Variants in ZSWIM6 observed in about 807,000 individuals in gnomAD.
ZSWIM6 encodes zinc finger SWIM domain-containing protein 6.
In ZSWIM6, 9 loss-of-function variants were observed where a neutral mutation model predicts 113.2. That is an observed-to-expected ratio of 0.08 (90% CI 0.05 to 0.14). The LOEUF is 0.14. Ranked by LOEUF, ZSWIM6 falls within the 10% of genes least tolerant of loss-of-function variation. The pLI is 1.00. For synonymous variants in ZSWIM6, 611 were observed against 606.5 expected (o/e 1.01, Z -0.11); for missense variants, 1,162 against 1,552.2 (o/e 0.75, Z 4.22).
At chr5:61,398,782 G>T (rs1745887908) in intron 1 of ZSWIM6, among the ~76,000 whole-genome samples, 1 of 152,116 alleles carries the variant, frequency 6.6e-6, no homozygotes, top group African/African-American at 2.4e-5. Flanking sequence ...ATTTCTCTGA[G>T]TTATGAAGCA....
intron 1 of ZSWIM6, among the ~76,000 whole-genome samples, chr5:61,389,526 G>C (rs1745657659): frequency 8.0e-6 from 1 of 124,614 alleles, no homozygotes; most frequent in Admixed American, 9.8e-5. Flanking sequence ...CTGCACATGA[G>C]CCCAGGCGAC....
chr5:61,526,114 T>C lies in ZSWIM6; in HGVS notation c.1691-136T>C. 3 of 1,418,506 alleles carry C rather than the reference T, an allele frequency of 2.1e-6. No homozygotes were observed. In the South Asian group the frequency reaches 4.4e-5, roughly 21 times the overall value. 87.9% of individuals were successfully genotyped at this position (1,418,506 alleles called of 1,614,324 possible). On this transcript the variant is annotated intron_variant, in intron 6 of 13. Transcript: ENST00000252744. ...TGCTTGGCAATAGGAGCTGAGATTT[T>C]CATTCAAATCCAAGTTCAGGAATGG...
chr5:61,364,136 C>G (rs1579954589), intron 1 of ZSWIM6, among the ~76,000 whole-genome samples: 2 of 151,996 alleles, frequency 1.3e-5, no homozygotes, highest in African/African-American at 4.8e-5. Context: ...TACCAACCTC[C>G]TGGGCTCAAG....
At chr5:61,494,934 A>G (rs1453007967) in intron 4 of ZSWIM6, among the ~76,000 whole-genome samples, 2 of 152,190 alleles carry the variant, frequency 1.3e-5, no homozygotes, top group African/African-American at 4.8e-5. Flanking sequence ...TAAAGATACA[A>G]ATATAGCAAG....
chr5:61,495,249 C>A (rs1382960833), intron 4 of ZSWIM6, among the ~76,000 whole-genome samples: 1 of 152,016 alleles, frequency 6.6e-6, no homozygotes, highest in African/African-American at 2.4e-5. Context: ...GTAGTCTAAA[C>A]CAAACGATGC....
intron 7 of ZSWIM6, 43 bp downstream of exon 7, chr5:61,526,439 G>GTGA (rs1465097020): frequency 5.2e-6 from 8 of 1,549,112 alleles, no homozygotes; most frequent in Non-Finnish European, 7.0e-6. Context: ...GGGATTCTTA[G>GTGA]TGATGACATT....
intron 4 of ZSWIM6, among the ~76,000 whole-genome samples, chr5:61,520,963 T>C (rs1162483638): frequency 1.3e-5 from 2 of 152,104 alleles, no homozygotes; most frequent in African/African-American, 4.8e-5. Context: ...TATTTTATTA[T>C]GTAAGAGTAT....
At chr5:61,411,046 G>T (rs1431708639) in intron 1 of ZSWIM6, among the ~76,000 whole-genome samples, 1 of 152,186 alleles carries the variant, frequency 6.6e-6, no homozygotes, top group African/African-American at 2.4e-5. Context: ...TGGCAACCTG[G>T]TGTGGATGCT....
intron 4 of ZSWIM6, among the ~76,000 whole-genome samples, chr5:61,505,922 A>G (rs1748606856): frequency 6.6e-6 from 1 of 151,122 alleles, no homozygotes; most frequent in African/African-American, 2.4e-5. Flanking sequence ...AATTTTTTGT[A>G]TTTTTAGTAG....
chr5:61,375,043 A>T (rs1009043322), intron 1 of ZSWIM6: 1 of 1,395,414 alleles, frequency 7.2e-7, no homozygotes, highest in Non-Finnish European at 1.0e-6. Flanking sequence ...CAAGTCTATA[A>T]GATATTAAAG....
intron 4 of ZSWIM6, among the ~76,000 whole-genome samples, chr5:61,516,945 C>G (rs1748962057): frequency 6.6e-6 from 1 of 152,070 alleles, no homozygotes; most frequent in Non-Finnish European, 1.5e-5. Context: ...ATTGACATTT[C>G]AGTTTCTTTT....
intron 11 of ZSWIM6, 94 bp from the exon 12 acceptor site, chr5:61,539,502 T>A: frequency 7.3e-7 from 1 of 1,361,830 alleles, no homozygotes; most frequent in Non-Finnish European, 9.7e-7. Flanking sequence ...TTTTTCCCCC[T>A]CTGTGTGTGT....
chr5:61,334,531 G>T (rs1197623581), intron 1 of ZSWIM6, among the ~76,000 whole-genome samples: 1 of 152,126 alleles, frequency 6.6e-6, no homozygotes, highest in Non-Finnish European at 1.5e-5. Context: ...TGGGGGTCTG[G>T]ATAGGGTCCC....
At chr5:61,364,231 CAT>C (rs1323753652) in intron 1 of ZSWIM6, among the ~76,000 whole-genome samples, 3 of 151,986 alleles carry the variant, frequency 2.0e-5, no homozygotes, top group South Asian at 2.1e-4. Flanking sequence ...TTTCAGAAAA[CAT>C]AATAGCATAC....
intron 1 of ZSWIM6, among the ~76,000 whole-genome samples, chr5:61,350,338 A>G (rs965849494): frequency 6.6e-6 from 1 of 152,166 alleles, no homozygotes; most frequent in African/African-American, 2.4e-5. Flanking sequence ...ATTGTGCGCT[A>G]TGTGCACTTG....
chr5:61,381,337 A>G (rs887612426), intron 1 of ZSWIM6, among the ~76,000 whole-genome samples: 1 of 152,240 alleles, frequency 6.6e-6, no homozygotes, highest in Non-Finnish European at 1.5e-5. Flanking sequence ...GTATTCATAA[A>G]CATTTATTGT....
At chr5:61,540,582 T>C (rs1749701753) in intron 12 of ZSWIM6, among the ~76,000 whole-genome samples, 3 of 152,124 alleles carry the variant, frequency 2.0e-5, no homozygotes, top group African/African-American at 7.2e-5. Flanking sequence ...CATGGTAACA[T>C]AGAATACTGT....
At position 61,332,653 on chromosome 5, in the gene ZSWIM6, C is replaced by A; in HGVS notation, c.381C>A (p.Phe127Leu). The stretch of plus-strand genomic sequence containing the variant: ...GGGAGATCTGCATGTACTCGTCCTT[C>A]AACACCGGCGGCGGCGCCGCGGGCG... ...SEREICMYSS[F>L]NTGGGAAGGP... is the part of the protein sequence containing the mutation. The change falls in exon 1 of 14, where the codon TTC becomes TTA. Residue 127 changes from phenylalanine (F) to leucine (L), a missense_variant. Physicochemically the swap from Phe to Leu is conservative, Grantham distance 22. Transcript: ENST00000252744. 5.2e-6 allele frequency: 6 copies of A among 1,145,170 alleles called. No homozygotes were observed. Among genetic ancestry groups the A allele is most frequent in the Non-Finnish European group, 6.6e-6 (6 of 905,296 alleles). 70.9% of individuals were successfully genotyped at this position (1,145,170 alleles called of 1,614,324 possible).
chr5:61,525,091 A>G (rs1443851941), intron 5 of ZSWIM6, among the ~76,000 whole-genome samples: 1 of 152,086 alleles, frequency 6.6e-6, no homozygotes, highest in Non-Finnish European at 1.5e-5. Flanking sequence ...TATGCTGGGG[A>G]CATCACACCA....
Sources: allele counts gnomAD v4.1 joint callset (sites outside exome capture counted in the v4.1 genomes callset), GRCh38; gene constraint gnomAD v4.1.1; transcripts MANE v1.5; gene names NCBI Gene and HGNC (gene_info 2026-07-23, HGNC 2026-07-21).